SLC25A42: variants seen among roughly 807,000 people sequenced by gnomAD.
SLC25A42 encodes solute carrier family 25 member 42, also known as mitochondrial coenzyme A transporter SLC25A42.
A neutral mutation model predicts 34.7 loss-of-function variants in SLC25A42; 19 were observed. That is an observed-to-expected ratio of 0.55 (90% CI 0.38 to 0.80). SLC25A42 has a LOEUF of 0.80. SLC25A42 is among the 30% of genes least tolerant of loss of function. The pLI, the probability that SLC25A42 is intolerant of heterozygous loss-of-function variation, is 0.00. For synonymous variants in SLC25A42, 205 were observed against 191.2 expected (o/e 1.07, Z -0.59); for missense variants, 364 against 441.3 (o/e 0.82, Z 1.57).
chr19:19,083,322 C>G (rs1325917466), intron 1 of SLC25A42, among the ~76,000 whole-genome samples: 1 of 152,216 alleles, frequency 6.6e-6, no homozygotes. Context: ...TCCCCCATCT[C>G]AAGACCCTTA....
intron 1 of SLC25A42, among the ~76,000 whole-genome samples, chr19:19,074,613 A>G (rs1317541266): frequency 6.6e-6 from 1 of 152,078 alleles, no homozygotes; most frequent in Non-Finnish European, 1.5e-5. Flanking sequence ...GGCCTGTCTT[A>G]TGTCTGGTCG....
intron 3 of SLC25A42, among the ~76,000 whole-genome samples, chr19:19,103,401 CTCT>C (rs907030072): frequency 3.3e-5 from 5 of 152,132 alleles, no homozygotes; most frequent in Non-Finnish European, 7.4e-5. Flanking sequence ...GGCCTGTTTT[CTCT>C]TCTTATAAGG....
At chr19:19,107,805 C>A in intron 6 of SLC25A42, 89 bp from the exon 7 acceptor site, 1 of 1,417,140 alleles carries the variant, frequency 7.1e-7, no homozygotes, top group Non-Finnish European at 9.8e-7. Context: ...CAGGCCCAGC[C>A]GGCTTCGGGA....
At chr19:19,066,089 C>T (rs1228878298) in intron 1 of SLC25A42, among the ~76,000 whole-genome samples, 2 of 152,048 alleles carry the variant, frequency 1.3e-5, no homozygotes, top group African/African-American at 2.4e-5. Flanking sequence ...ACTCCTGACC[C>T]CAAGTGATCT....
chr19:19,105,234 A>G (rs2059819601), intron 4 of SLC25A42: 6 of 573,866 alleles, frequency 1.0e-5, no homozygotes, highest in Non-Finnish European at 1.9e-5. Context: ...GATAAACTGT[A>G]AAAGCTGGGA....
At chr19:19,096,254 T>TGGGGGCC in intron 2 of SLC25A42, 49 bp downstream of exon 2, 2 of 1,456,692 alleles carry the variant, frequency 1.4e-6, no homozygotes, top group Non-Finnish European at 9.4e-7. Context: ...GGCCCCAGCC[T>TGGGGGCC]CCCCACCCCC....
chr19:19,101,754 G>A, intron 2 of SLC25A42, 27 bp from the exon 3 acceptor site: 2 of 1,597,792 alleles, frequency 1.3e-6, no homozygotes, highest in African/African-American at 1.3e-5. Context: ...CCTGCCCTCT[G>A]ACCTCTGATC....
Position 19,088,258 on chromosome 19 carries a change from C to T in SLC25A42, c.-34-7833C>T, listed in dbSNP as rs1452283502. Among the ~76,000 whole-genome samples the T allele has an allele frequency of 2.7e-5, 4 of 145,580 alleles. No homozygotes were observed. The South Asian group carries it at 6.5e-4, about 23-fold the overall frequency. On this transcript the variant is annotated intron_variant, in intron 1 of 7. Coordinates refer to ENST00000318596, the MANE Select transcript of SLC25A42 (RefSeq NM_178526.5). Reference sequence around the variant, plus strand: ...TCTCACTCTGTCACCCAGGCTGGAGCGTAGTGGTGTGATCACGGCTCACTG... The same window carrying T: ...TCTCACTCTGTCACCCAGGCTGGAGTGTAGTGGTGTGATCACGGCTCACTG...
At chr19:19,106,978 C>A (rs2059834295) in intron 6 of SLC25A42, 1 of 139,224 alleles carries the variant, frequency 7.2e-6, no homozygotes, top group Admixed American at 7.3e-5. Context: ...GACTAGAATG[C>A]TTAATTCAAG....
chr19:19,107,254 C>T (rs2145924790), intron 6 of SLC25A42, among the ~76,000 whole-genome samples: 1 of 150,002 alleles, frequency 6.7e-6, no homozygotes, highest in South Asian at 2.1e-4. Context: ...CAGCTTGAGG[C>T]TGCAGTGAGC....
chr19:19,110,444 G>A (rs1401152326), intron 7 of SLC25A42, 125 bp from the exon 8 acceptor site: 2 of 672,838 alleles, frequency 3.0e-6, no homozygotes, highest in Admixed American at 8.4e-5. Flanking sequence ...AACACACGTG[G>A]GGGTGCAAGT....
rs75335481 is a variant in SLC25A42 at position 19,077,321 on chromosome 19, G to A, written c.-35+13206G>A. Among the ~76,000 whole-genome samples the A allele has an allele frequency of 8.3e-3, 1,271 of 152,226 alleles. 15 individuals carry two copies. Among genetic ancestry groups the A allele is most frequent in the African/African-American group, 0.029 (1,224 of 41,516 alleles). On this transcript the variant is annotated intron_variant, in intron 1 of 7. Coordinates refer to ENST00000318596, the MANE Select transcript of SLC25A42 (RefSeq NM_178526.5). ...CACCATCCGTCTCCACAACTCTTCC[G>A]TCTTGCAAAACTGAAACTGTTCCCA...
intron 6 of SLC25A42, 52 bp from the exon 7 acceptor site, chr19:19,107,829 TCTGTGGCTCCTCC>T: frequency 6.3e-7 from 1 of 1,587,518 alleles, no homozygotes; most frequent in Non-Finnish European, 8.6e-7. Context: ...GCCGAGAGCC[TCTGTGGCTCCTCC>T]CTGTGCCTGG....
chr19:19,097,203 G>C (rs554071110), intron 2 of SLC25A42, among the ~76,000 whole-genome samples: 1 of 152,110 alleles, frequency 6.6e-6, no homozygotes, highest in South Asian at 2.1e-4. Context: ...CAGGCCGACC[G>C]CACAGGCAGT....
chr19:19,093,205 G>A (rs1282403052), intron 1 of SLC25A42, among the ~76,000 whole-genome samples: 1 of 151,882 alleles, frequency 6.6e-6, no homozygotes, highest in East Asian at 1.9e-4. Flanking sequence ...CTCTAGAGAC[G>A]GGGTCTCACT....
At chr19:19,090,750 C>A (rs1284404639) in intron 1 of SLC25A42, among the ~76,000 whole-genome samples, 3 of 152,214 alleles carry the variant, frequency 2.0e-5, no homozygotes, top group Non-Finnish European at 4.4e-5. Flanking sequence ...TTCTTGGCAT[C>A]TTTGCATCTT....
At position 19,105,693 on chromosome 19, in the gene SLC25A42, C is replaced by A. The variant is rs755883383; in HGVS notation, c.346C>A (p.Arg116Ser). 21 of 1,606,998 alleles carry A rather than the reference C, an allele frequency of 1.3e-5. No individual in the cohort carries two copies. The Admixed American group carries it at 2.0e-4, about 15-fold the overall frequency. Residue 116 changes from arginine (R) to serine (S), a missense_variant, in exon 5 of 8, where the codon CGC (arginine) becomes AGC (serine). Physicochemically the swap from Arg to Ser is moderately radical, Grantham distance 110. Coordinates refer to ENST00000318596, the MANE Select transcript of SLC25A42 (RefSeq NM_178526.5). The part of the protein sequence containing the change: ...IQFSAHEEYK[R>S]ILGSYYGFRG... ...GTTCAGCGCACACGAGGAGTACAAG[C>A]GCATCCTGGGCAGCTACTATGGCTT... is the stretch of plus-strand genomic sequence containing the variant.
At position 19,109,924 on chromosome 19, in the gene SLC25A42, G is replaced by A. The variant is rs1336138941; in HGVS notation, c.650-645G>A. Among the ~76,000 whole-genome samples the A allele has an allele frequency of 1.3e-5, 2 of 152,206 alleles. No homozygotes were observed. The highest frequency in any genetic ancestry group is 4.1e-4 in the South Asian group (2 of 4,824). ...CTCGCAGGGGCTCCCCAGGGAGGGC[G>A]CAGGTCGGGGACCAGGCACGGGAGC... On this transcript the variant is annotated intron_variant, in intron 7 of 7. Coordinates refer to ENST00000318596, the MANE Select transcript of SLC25A42 (RefSeq NM_178526.5). The surrounding 1 kb of genome is among the most constrained non-coding windows in gnomAD (Gnocchi z 4.1).
intron 3 of SLC25A42, among the ~76,000 whole-genome samples, chr19:19,102,500 T>C (rs1599686763): frequency 6.6e-6 from 1 of 151,958 alleles, no homozygotes; most frequent in Non-Finnish European, 1.5e-5. Flanking sequence ...TCCCAGCATT[T>C]TGGGAGGCCA....
Sources: gnomAD v4.1 joint callset for allele counts (sites outside exome capture counted in the v4.1 genomes callset) on GRCh38, gnomAD v4.1.1 for gene constraint, Gnocchi (gnomAD v3.1) non-coding constraint, MANE v1.5 for transcripts, NCBI Gene and HGNC (gene_info 2026-07-23, HGNC 2026-07-21) for gene names.